CHL1: variants seen among roughly 807,000 people sequenced by gnomAD.
CHL1 encodes the protein cell adhesion molecule L1 like, also known as neural cell adhesion molecule L1-like protein.
CHL1 carries 96 observed loss-of-function variants against 141.9 expected under a neutral mutation model. That is an observed-to-expected ratio of 0.68 (90% CI 0.57 to 0.80). The LOEUF is 0.80. Ranked by LOEUF, CHL1 falls within the 30% of genes least tolerant of loss-of-function variation. The pLI, the probability that CHL1 is intolerant of heterozygous loss-of-function variation, is 0.00. For synonymous variants in CHL1, 613 were observed against 502.2 expected (o/e 1.22, Z -2.95); for missense variants, 1,820 against 1,457.2 (o/e 1.25, Z -4.05).
At chr3:381,060 G>T (rs902526413) in intron 16 of CHL1, among the ~76,000 whole-genome samples, 1 of 152,150 alleles carries the variant, frequency 6.6e-6, no homozygotes, top group African/African-American at 2.4e-5. Flanking sequence ...TGCAAATGCA[G>T]ATTCCTGGGC....
chr3:385,718 C>CT (rs1432144941), intron 19 of CHL1: 2 of 150,152 alleles, frequency 1.3e-5, no homozygotes, highest in Non-Finnish European at 3.0e-5. Context: ...ATCCCTGCTA[C>CT]TTGGGAGGCT....
intron 15 of CHL1, among the ~76,000 whole-genome samples, chr3:368,057 T>C (rs1705135361): frequency 6.6e-6 from 1 of 152,224 alleles, no homozygotes; most frequent in South Asian, 2.1e-4. Context: ...GCAATAAACA[T>C]ATATGTGTAT....
intron 3 of CHL1, among the ~76,000 whole-genome samples, chr3:323,365 G>T (rs1318661454): frequency 6.6e-6 from 1 of 152,022 alleles, no homozygotes; most frequent in East Asian, 1.9e-4. Flanking sequence ...GTCAATTTTT[G>T]ATATTCTATA....
chr3:371,271 T>A (rs559589099), intron 15 of CHL1, among the ~76,000 whole-genome samples: 12 of 152,338 alleles, frequency 7.9e-5, no homozygotes, highest in Admixed American at 7.8e-4. Context: ...AGAACTTGTT[T>A]TATGAATCTG....
intron 18 of CHL1, among the ~76,000 whole-genome samples, chr3:382,961 G>A (rs1270853753): frequency 1.3e-5 from 2 of 152,118 alleles, no homozygotes; most frequent in Non-Finnish European, 2.9e-5. Context: ...CATCAAGTAA[G>A]TTCTAAATTA....
intron 2 of CHL1, among the ~76,000 whole-genome samples, chr3:276,685 T>A (rs531267514): frequency 6.6e-6 from 1 of 151,682 alleles, no homozygotes; most frequent in Non-Finnish European, 1.5e-5. Flanking sequence ...GTCAGGAGAT[T>A]GAGACCGTCC....
chr3:357,513 A>T (rs1257233677), intron 11 of CHL1, among the ~76,000 whole-genome samples: 1 of 152,186 alleles, frequency 6.6e-6, no homozygotes, highest in Non-Finnish European at 1.5e-5. Flanking sequence ...GGAGAATGCA[A>T]CCCAGGTACA....
At chr3:368,948 T>A (rs1480095511) in intron 15 of CHL1, among the ~76,000 whole-genome samples, 1 of 151,910 alleles carries the variant, frequency 6.6e-6, no homozygotes, top group African/African-American at 2.4e-5. Context: ...GCTCCATTTG[T>A]CTATATGTCT....
chr3:285,211 A>T (rs1052216698), intron 2 of CHL1, among the ~76,000 whole-genome samples: 1 of 152,250 alleles, frequency 6.6e-6, no homozygotes, highest in Non-Finnish European at 1.5e-5. Context: ...AAACATCTTG[A>T]TGAGATACAG....
Position 249,974 on chromosome 3 carries a change from C to CT in CHL1, c.-95+5293dup, listed in dbSNP as rs58141673. 8.0e-3 allele frequency among the ~76,000 whole-genome samples: 1,182 copies of CT among 147,840 alleles called. 7 individuals are homozygous for CT. The highest frequency in any genetic ancestry group is 1.0e-2 in the Non-Finnish European group (664 of 66,640). Reference sequence around the variant, plus strand: ...CAGATTAATAGGAAAAAAAAGCATACTTTTTTTTTTTGAGACATGTCTCAC... The same window carrying CT: ...CAGATTAATAGGAAAAAAAAGCATACTTTTTTTTTTTTGAGACATGTCTCAC... On this transcript the variant is annotated intron_variant, in intron 2 of 27. Transcript: ENST00000256509.
intron 20 of CHL1, among the ~76,000 whole-genome samples, chr3:390,356 T>C (rs1426310679): frequency 1.3e-5 from 2 of 152,244 alleles, no homozygotes; most frequent in Non-Finnish European, 2.9e-5. Flanking sequence ...TAGCTGTTAT[T>C]AATATTTGAT....
chr3:339,715 G>C (rs763116085), intron 5 of CHL1, among the ~76,000 whole-genome samples: 3 of 152,204 alleles, frequency 2.0e-5, no homozygotes, highest in Non-Finnish European at 4.4e-5. Flanking sequence ...CTAAAGGCAT[G>C]GATGGGGGTT....
At chr3:379,221 C>G (rs1463165495) in intron 16 of CHL1, among the ~76,000 whole-genome samples, 1 of 151,976 alleles carries the variant, frequency 6.6e-6, no homozygotes, top group Non-Finnish European at 1.5e-5. Context: ...AGGCTGGATC[C>G]CTTCAAGTAA....
intron 1 of CHL1, among the ~76,000 whole-genome samples, chr3:216,713 C>T (rs535874514): frequency 6.6e-6 from 1 of 152,200 alleles, no homozygotes; most frequent in African/African-American, 2.4e-5. Context: ...GTGAACTCTA[C>T]ATTTTTAAGA....
chr3:212,515 G>C (rs939378313), intron 1 of CHL1, among the ~76,000 whole-genome samples: 6 of 152,162 alleles, frequency 3.9e-5, no homozygotes, highest in South Asian at 2.1e-4. Context: ...CTGGATTTCT[G>C]CCTCGAACAG....
At chr3:226,374 T>TTATATA (rs56305108) in intron 1 of CHL1, among the ~76,000 whole-genome samples, 4,387 of 144,258 alleles carry the variant, frequency 0.03, 69 homozygotes, top group Middle Eastern at 0.062. Flanking sequence ...ATAGAATATT[T>TTATATA]TATATATATA....
At chr3:221,786 A>G (rs1041612345) in intron 1 of CHL1, among the ~76,000 whole-genome samples, 8 of 152,254 alleles carry the variant, frequency 5.3e-5, no homozygotes, top group African/African-American at 1.4e-4. Flanking sequence ...TAAGTTAACA[A>G]GAACATAGAT....
At chr3:357,209 C>T (rs9841669) in intron 11 of CHL1, among the ~76,000 whole-genome samples, 1,942 of 152,292 alleles carry the variant, frequency 0.013, 36 homozygotes, top group African/African-American at 0.045. Context: ...TTGGCCCTGG[C>T]TCTACTTGTT....
At chr3:353,229 T>C (rs570007124) in intron 10 of CHL1, among the ~76,000 whole-genome samples, 1 of 152,214 alleles carries the variant, frequency 6.6e-6, no homozygotes, top group Non-Finnish European at 1.5e-5. Context: ...TATTTCTGCA[T>C]ACGTTGAAAG....
Sources: gnomAD v4.1 joint callset for allele counts (sites outside exome capture counted in the v4.1 genomes callset) on GRCh38, gnomAD v4.1.1 for gene constraint, MANE v1.5 for transcripts, NCBI Gene and HGNC (gene_info 2026-07-23, HGNC 2026-07-21) for gene names.